Variants in CNTN5 observed in about 807,000 individuals in gnomAD.
CNTN5 encodes contactin-5.
Under a neutral mutation model 129.1 loss-of-function variants are expected in CNTN5, and 77 were observed. The ratio of observed to expected loss-of-function variants is 0.60; its 90% CI spans 0.50 to 0.72. CNTN5 has a LOEUF of 0.72. Ranked by LOEUF, CNTN5 falls within the 30% of genes least tolerant of loss-of-function variation. CNTN5 has a pLI of 0.00. For missense variants in CNTN5, 1,478 were observed against 1,328.8 expected, an observed-to-expected ratio of 1.11 and a Z score of -1.75; for synonymous variants, 509 against 465.6, an observed-to-expected ratio of 1.09 and a Z score of -1.20.
intron 8 of CNTN5, among the ~76,000 whole-genome samples, chr11:99,989,679 A>G (rs1268220581): frequency 1.3e-5 from 2 of 152,224 alleles, no homozygotes; most frequent in Non-Finnish European, 2.9e-5. Flanking sequence ...TGAAAATAAT[A>G]AACATCTACT....
At position 99,128,234 on chromosome 11, in the gene CNTN5, A is replaced by T. The variant is rs375669884; in HGVS notation, c.-210+106964A>T. ...AGCACAGCAGCCTGGAGTCTGCCTA[A>T]GACTACCGAGTTCATGGTGGGAGGG... On this transcript the variant is annotated intron_variant, in intron 1 of 24. Coordinates refer to ENST00000524871, the MANE Select transcript of CNTN5 (RefSeq NM_014361.4). Among the ~76,000 whole-genome samples the T allele has an allele frequency of 6.6e-5, 10 of 152,224 alleles. No individual in the cohort carries two copies. The East Asian group carries it at 1.4e-3, about 21-fold the overall frequency.
chr11:99,328,097 A>G (rs778166229), intron 2 of CNTN5, among the ~76,000 whole-genome samples: 3 of 152,176 alleles, frequency 2.0e-5, no homozygotes, highest in Non-Finnish European at 4.4e-5. Context: ...AAAATAGGAA[A>G]TCTAATGTTC....
At chr11:99,773,831 C>T (rs1198152595) in intron 3 of CNTN5, among the ~76,000 whole-genome samples, 4 of 152,024 alleles carry the variant, frequency 2.6e-5, no homozygotes, top group South Asian at 2.1e-4. Context: ...CAAGGCCCTT[C>T]GTGAGATGAT....
chr11:99,476,931 T>C (rs76455736), intron 2 of CNTN5, among the ~76,000 whole-genome samples: 2,102 of 152,150 alleles, frequency 0.014, 50 homozygotes, highest in African/African-American at 0.047. Flanking sequence ...GTGAGATACA[T>C]ATATAGATGC....
At chr11:99,705,926 A>G (rs772314333) in intron 3 of CNTN5, among the ~76,000 whole-genome samples, 3 of 151,494 alleles carry the variant, frequency 2.0e-5, no homozygotes, top group Non-Finnish European at 3.0e-5. Context: ...CTACCCAACT[A>G]GAGCAGAGTG....
At chr11:99,584,822 T>C (rs576278159) in intron 3 of CNTN5, among the ~76,000 whole-genome samples, 26 of 152,228 alleles carry the variant, frequency 1.7e-4, no homozygotes, top group Non-Finnish European at 3.1e-4. Context: ...AACACTGTTT[T>C]TACTTGAAAG....
At chr11:99,238,182 G>A (rs1179805330) in intron 1 of CNTN5, among the ~76,000 whole-genome samples, 1 of 152,126 alleles carries the variant, frequency 6.6e-6, no homozygotes, top group East Asian at 1.9e-4. Context: ...GTAGAATAAT[G>A]CACATGGGGT....
At chr11:100,083,177 C>T (rs1364846408) in intron 13 of CNTN5, among the ~76,000 whole-genome samples, 2 of 151,740 alleles carry the variant, frequency 1.3e-5, no homozygotes, top group African/African-American at 2.4e-5. Flanking sequence ...ATTAGCTGGG[C>T]GTGGTGGTGC....
At chr11:99,030,455 T>A (rs1004858097) in intron 1 of CNTN5, among the ~76,000 whole-genome samples, 3 of 152,160 alleles carry the variant, frequency 2.0e-5, no homozygotes, top group African/African-American at 7.2e-5. Context: ...ATGACCTTAT[T>A]TTATTTGCTC....
chr11:99,875,752 T>C (rs1364888426), intron 6 of CNTN5, among the ~76,000 whole-genome samples: 1 of 152,162 alleles, frequency 6.6e-6, no homozygotes, highest in Non-Finnish European at 1.5e-5. Flanking sequence ...TTAAAGGATA[T>C]ATATATATGA....
chr11:100,150,478 C>G (rs191611679), intron 13 of CNTN5, among the ~76,000 whole-genome samples: 15 of 151,906 alleles, frequency 9.9e-5, no homozygotes, highest in African/African-American at 3.1e-4. Context: ...GGCCTTTAAA[C>G]AGAATGATTT....
chr11:99,886,692 G>A (rs1948909542), intron 6 of CNTN5, among the ~76,000 whole-genome samples: 1 of 151,880 alleles, frequency 6.6e-6, no homozygotes, highest in African/African-American at 2.4e-5. Flanking sequence ...ATAGAAACAT[G>A]GATTAAAAAA....
chr11:99,424,371 GTGGCTGGTGGC>G (rs1943026480), intron 2 of CNTN5, among the ~76,000 whole-genome samples: 3 of 152,240 alleles, frequency 2.0e-5, no homozygotes, highest in South Asian at 4.1e-4. Context: ...GGAAACCTCT[GTGGCTGGTGGC>G]ACCCAGCATG....
At chr11:99,526,300 G>A (rs1947482200) in intron 2 of CNTN5, among the ~76,000 whole-genome samples, 1 of 152,234 alleles carries the variant, frequency 6.6e-6, no homozygotes, top group South Asian at 2.1e-4. Context: ...ACCTGCGTGT[G>A]GGGAACAAGA....
chr11:99,492,125 C>A, intron 2 of CNTN5, among the ~76,000 whole-genome samples: 1 of 152,242 alleles, frequency 6.6e-6, no homozygotes, highest in South Asian at 2.1e-4. Flanking sequence ...GCTATTCCTG[C>A]CAACAAAGAT....
intron 13 of CNTN5, among the ~76,000 whole-genome samples, chr11:100,111,834 T>C (rs927973749): frequency 2.6e-5 from 4 of 152,202 alleles, no homozygotes; most frequent in Non-Finnish European, 5.9e-5. Context: ...TTCCAGTCTT[T>C]GATTGTATGA....
chr11:99,222,006 C>G (rs949726769), intron 1 of CNTN5, among the ~76,000 whole-genome samples: 10 of 151,834 alleles, frequency 6.6e-5, no homozygotes, highest in Non-Finnish European at 1.3e-4. Flanking sequence ...GATACACATA[C>G]TTTTTTTGTC....
At chr11:99,704,230 A>G (rs1342222367) in intron 3 of CNTN5, among the ~76,000 whole-genome samples, 2 of 151,136 alleles carry the variant, frequency 1.3e-5, no homozygotes, top group Non-Finnish European at 3.0e-5. Context: ...CTGGGAATCC[A>G]CCAGGTATTC....
chr11:99,567,016 C>A (rs1949026912), intron 3 of CNTN5, among the ~76,000 whole-genome samples: 1 of 152,212 alleles, frequency 6.6e-6, no homozygotes, highest in East Asian at 1.9e-4. Context: ...TTTTCCTTGA[C>A]TAAATTTATA....
Sources: allele counts gnomAD v4.1 joint callset (sites outside exome capture counted in the v4.1 genomes callset), GRCh38; gene constraint gnomAD v4.1.1; transcripts MANE v1.5; gene names NCBI Gene and HGNC (gene_info 2026-07-23, HGNC 2026-07-21).